The following TLK2 variants were observed in gnomAD, a reference collection of about 807,000 sequenced individuals.
TLK2 encodes the protein tousled like kinase 2.
A neutral mutation model predicts 117.3 loss-of-function variants in TLK2; 6 were observed. The ratio of observed to expected loss-of-function variants is 0.05; its 90% CI spans 0.03 to 0.10. TLK2 has a LOEUF of 0.10. Ranked by LOEUF, TLK2 falls within the 10% of genes least tolerant of loss-of-function variation. The probability of loss-of-function intolerance (pLI) is 1.00; values close to 1 mark genes in which losing one functional copy is unlikely to be tolerated. For missense variants in TLK2, 299 were observed against 901.2 expected (o/e 0.33, Z 8.56); for synonymous variants, 257 against 316.7 (o/e 0.81, Z 2.00).
chr17:62,516,351 A>C (rs2075588744), intron 2 of TLK2: 7 of 1,515,610 alleles, frequency 4.6e-6, no homozygotes, highest in African/African-American at 1.4e-5. Context: ...GTCCACAACC[A>C]AATCCGCCTC....
intron 1 of TLK2, among the ~76,000 whole-genome samples, chr17:62,472,072 A>T (rs1320535461): frequency 6.6e-6 from 1 of 150,452 alleles, no homozygotes; most frequent in Admixed American, 6.6e-5. Context: ...ATGTCCGGCT[A>T]ATTTTTTGTG....
At chr17:62,548,238 ATATG>A (rs1206447025) in intron 7 of TLK2, among the ~76,000 whole-genome samples, 48 of 111,902 alleles carry the variant, frequency 4.3e-4, no homozygotes, top group East Asian at 1.7e-3. Context: ...ATATATATAT[ATATG>A]TGTGTGTGTG....
intron 2 of TLK2, chr17:62,516,508 G>A (rs957399315): frequency 6.8e-6 from 11 of 1,607,198 alleles, no homozygotes; most frequent in Middle Eastern, 4.2e-4. Flanking sequence ...CACAATCTCC[G>A]GGGGCAGATG....
chr17:62,475,592 G>A (rs1185266808), upstream of TLK2, among the ~76,000 whole-genome samples: 2 of 151,764 alleles, frequency 1.3e-5, no homozygotes, highest in East Asian at 1.9e-4. Flanking sequence ...TGATCCACCC[G>A]CCTTGGCCTC....
intron 10 of TLK2, 47 bp downstream of exon 10, chr17:62,560,173 T>C (rs977365837): frequency 1.8e-6 from 2 of 1,120,576 alleles, no homozygotes; most frequent in African/African-American, 1.6e-5. Flanking sequence ...AGATACTCAA[T>C]GTGTGTCATT....
At chr17:62,542,461 T>G (rs2077605613) in intron 7 of TLK2, among the ~76,000 whole-genome samples, 1 of 152,230 alleles carries the variant, frequency 6.6e-6, no homozygotes, top group Non-Finnish European at 1.5e-5. Context: ...AAAGACAAAT[T>G]TAACATAACT....
chr17:62,605,767 G>A (rs2083243596), intron 19 of TLK2, among the ~76,000 whole-genome samples: 1 of 152,100 alleles, frequency 6.6e-6, no homozygotes, highest in South Asian at 2.1e-4. Context: ...TACTTTAGGA[G>A]GTCGAGCTGG....
intron 7 of TLK2, among the ~76,000 whole-genome samples, 159 bp downstream of exon 7, chr17:62,536,496 T>G (rs1426933188): frequency 6.6e-6 from 1 of 152,198 alleles, no homozygotes; most frequent in Non-Finnish European, 1.5e-5. Context: ...TGTCTAATTC[T>G]ACATCACTTC....
intron 9 of TLK2, 22 bp downstream of exon 9, chr17:62,553,777 A>T (rs771795734): frequency 7.0e-6 from 10 of 1,431,140 alleles, no homozygotes; most frequent in Non-Finnish European, 9.8e-6. Flanking sequence ...AATGTAAGAG[A>T]TTTTATAGCA....
rs369887924 is a variant in TLK2, at chr17:62,533,367, G to GGTGTGTGTGT, written c.364-2788_364-2779dup. ...TCCCATATGGTGTATTCCTATACGG[G>GGTGTGTGTGT]GTGTGTGTGTGTGTGTGTGTGTGTC... On this transcript the variant is annotated intron_variant, in intron 6 of 21. Transcript: ENST00000346027. Among the ~76,000 whole-genome samples the GGTGTGTGTGT allele has an allele frequency of 2.0e-4, 22 of 111,110 alleles. 1 individual carries two copies. The highest frequency in any genetic ancestry group is 4.7e-4 in the East Asian group (2 of 4,266). 72.9% of individuals were successfully genotyped at this position (111,110 alleles called of 152,430 possible). A position where few individuals can be genotyped will look rare whatever the true frequency, so the allele number is the denominator to read the frequency against.
At chr17:62,564,622 C>T (rs1314331613) in intron 10 of TLK2, among the ~76,000 whole-genome samples, 2 of 151,190 alleles carry the variant, frequency 1.3e-5, no homozygotes, top group African/African-American at 2.4e-5. Flanking sequence ...GCAGGAGAAT[C>T]GCTTGAACCC....
At position 62,556,376 on chromosome 17, in the gene TLK2, A is replaced by G. The variant is rs529024415; in HGVS notation, c.720+2621A>G. Among the ~76,000 whole-genome samples the G allele has an allele frequency of 3.3e-5, 5 of 152,084 alleles. 1 individual carries two copies. The East Asian group carries it at 9.7e-4, about 29-fold the overall frequency. On this transcript the variant is annotated intron_variant, in intron 9 of 21. Coordinates refer to ENST00000346027, the MANE Select transcript of TLK2 (RefSeq NM_006852.6). Reference sequence around the variant, plus strand: ...CTTATCAGCAGTATTTTTTTTATTTATAGTTTTTGTTTTATCTGTTGATGG... The same window carrying G: ...CTTATCAGCAGTATTTTTTTTATTTGTAGTTTTTGTTTTATCTGTTGATGG...
At chr17:62,534,110 G>A (rs986758564) in intron 6 of TLK2, among the ~76,000 whole-genome samples, 5 of 151,932 alleles carry the variant, frequency 3.3e-5, no homozygotes, top group South Asian at 4.2e-4. Context: ...TTCACTATCC[G>A]GTCAAGTTTC....
At chr17:62,516,891 A>G in intron 2 of TLK2, 3 of 663,832 alleles carry the variant, frequency 4.5e-6, no homozygotes, top group South Asian at 1.8e-5. Flanking sequence ...TTTCATTTGC[A>G]TGTACATATC....
intron 7 of TLK2, among the ~76,000 whole-genome samples, chr17:62,540,672 T>C (rs866104874): frequency 6.6e-6 from 1 of 152,042 alleles, no homozygotes; most frequent in South Asian, 2.1e-4. Context: ...GTGCTGGGAT[T>C]ACAGGCATGA....
intron 2 of TLK2, among the ~76,000 whole-genome samples, chr17:62,496,720 C>T (rs2073726944): frequency 6.6e-6 from 1 of 151,994 alleles, no homozygotes; most frequent in African/African-American, 2.4e-5. Context: ...CTTTGGGAGG[C>T]CAAGGCAGGT....
intron 2 of TLK2, among the ~76,000 whole-genome samples, chr17:62,499,385 G>T (rs957552182): frequency 6.6e-6 from 1 of 150,678 alleles, no homozygotes; most frequent in African/African-American, 2.4e-5. Context: ...GCCTGGTCTC[G>T]AACTCCTGGG....
At chr17:62,514,183 G>A (rs1292110388) in intron 2 of TLK2, among the ~76,000 whole-genome samples, 1 of 147,714 alleles carries the variant, frequency 6.8e-6, no homozygotes, top group African/African-American at 2.5e-5. Context: ...TCGCTCTATT[G>A]CCCAGGCTGG....
Position 62,564,106 on chromosome 17 carries a change from A to G in TLK2, c.832-895A>G, listed in dbSNP as rs58687440. On this transcript the variant is annotated intron_variant, in intron 10 of 21. Transcript: ENST00000346027. Reference sequence around the variant, plus strand: ...ATGTGAGATGCTGAACTCTAAGATTAAAAACATGTAGGCAGGCTGGGTGCA... The same window carrying G: ...ATGTGAGATGCTGAACTCTAAGATTGAAAACATGTAGGCAGGCTGGGTGCA... Among the ~76,000 whole-genome samples, 131 of 152,336 alleles carry G rather than the reference A, an allele frequency of 8.6e-4. 1 individual carries two copies. The highest frequency in any genetic ancestry group is 2.0e-3 in the Admixed American group (31 of 15,310).
Sources: allele counts gnomAD v4.1 joint callset (sites outside exome capture counted in the v4.1 genomes callset), GRCh38; gene constraint gnomAD v4.1.1; transcripts MANE v1.5; gene names NCBI Gene and HGNC (gene_info 2026-07-23, HGNC 2026-07-21).